Variants in PSD3 observed in about 807,000 individuals in gnomAD.
The protein encoded by PSD3 is PH and SEC7 domain-containing protein 3.
In PSD3, 49 loss-of-function variants were observed where a neutral mutation model predicts 105.5. The ratio of observed to expected loss-of-function variants is 0.46; its 90% CI spans 0.37 to 0.59. The LOEUF is 0.59. Among genes scored for constraint, PSD3 ranks in the 20% least tolerant of loss-of-function variants. The pLI, the probability that PSD3 is intolerant of heterozygous loss-of-function variation, is 0.00. For synonymous variants in PSD3, 557 were observed against 457.8 expected, an observed-to-expected ratio of 1.22 and a Z score of -2.77; for missense variants, 1,561 against 1,263.8, an observed-to-expected ratio of 1.24 and a Z score of -3.57.
intron 9 of PSD3, among the ~76,000 whole-genome samples, chr8:18,695,282 A>G (rs1801196202): frequency 3.5e-5 from 1 of 28,400 alleles, no homozygotes; most frequent in Non-Finnish European, 1.7e-4. Flanking sequence ...GAAACTGCAG[A>G]CACAACAGTC....
chr8:18,971,393 G>T (rs1824643638), intron 1 of PSD3, among the ~76,000 whole-genome samples: 1 of 152,168 alleles, frequency 6.6e-6, no homozygotes, highest in Admixed American at 6.5e-5. Context: ...CTGGGCTCTG[G>T]ACCCTGAATA....
chr8:18,685,415 AT>A (rs755644311), intron 9 of PSD3, among the ~76,000 whole-genome samples: 2,911 of 142,162 alleles, frequency 0.02, 64 homozygotes, highest in African/African-American at 0.048. Context: ...TATCCTTTAC[AT>A]TTTTTTTTTT....
chr8:18,978,690 G>A (rs1405085070), intron 1 of PSD3, among the ~76,000 whole-genome samples: 4 of 152,098 alleles, frequency 2.6e-5, no homozygotes, highest in African/African-American at 7.2e-5. Context: ...GCCAGGCTCC[G>A]CAGCTCACTG....
intron 4 of PSD3, among the ~76,000 whole-genome samples, chr8:18,818,946 TC>T (rs1812457533): frequency 6.6e-6 from 1 of 152,052 alleles, no homozygotes; most frequent in African/African-American, 2.4e-5. Flanking sequence ...CAAGCAGAAT[TC>T]AGGGCATGTC....
intron 2 of PSD3, among the ~76,000 whole-genome samples, chr8:18,931,359 G>A (rs1821738171): frequency 6.6e-6 from 1 of 151,780 alleles, no homozygotes; most frequent in Admixed American, 6.6e-5. Context: ...TTAAAAAACT[G>A]ACATGAGACA....
rs146989488 is a variant in PSD3, at chr8:18,855,156, T to A, written c.1634+12518A>T. Among the ~76,000 whole-genome samples the A allele has an allele frequency of 8.4e-3, 1,281 of 152,338 alleles. 9 individuals carry two copies. Among genetic ancestry groups the A allele is most frequent in the Non-Finnish European group, 0.013 (917 of 68,034 alleles). ...TATTTTTGTTGGGATACGGGGATTA[T>A]GAGGACCTGGAGATTTAAAAGACTA... On this transcript the variant is annotated intron_variant, in intron 4 of 15. Transcript: ENST00000327040.
intron 1 of PSD3, among the ~76,000 whole-genome samples, chr8:18,943,967 C>G (rs1057454150): frequency 6.6e-6 from 1 of 152,044 alleles, no homozygotes; most frequent in African/African-American, 2.4e-5. Flanking sequence ...AATTAAGTCA[C>G]GACTCTATTA....
intron 1 of PSD3, among the ~76,000 whole-genome samples, chr8:19,062,598 G>C (rs180718689): frequency 6.6e-6 from 1 of 152,032 alleles, no homozygotes; most frequent in Non-Finnish European, 1.5e-5. Flanking sequence ...AGAATCTTTA[G>C]ATTTATTATT....
chr8:19,083,238 C>T (rs76886708), intron 1 of PSD3, among the ~76,000 whole-genome samples: 2,297 of 152,334 alleles, frequency 0.015, 26 homozygotes, highest in Non-Finnish European at 0.025. Flanking sequence ...AAGATGCCCA[C>T]ACTGTGAGAA....
chr8:18,889,670 T>C (rs946797592), intron 2 of PSD3, among the ~76,000 whole-genome samples: 1 of 152,184 alleles, frequency 6.6e-6, no homozygotes, highest in Non-Finnish European at 1.5e-5. Flanking sequence ...GGTGTTTCCC[T>C]GTGATCCCGT....
chr8:19,013,968 C>G (rs1448055657), upstream of PSD3: 2 of 152,776 alleles, frequency 1.3e-5, no homozygotes, highest in Non-Finnish European at 2.9e-5. Flanking sequence ...TCCAGACCCT[C>G]GCAGTGCAGC....
intron 2 of PSD3, among the ~76,000 whole-genome samples, chr8:18,934,004 T>C (rs1456284354): frequency 6.6e-6 from 1 of 152,192 alleles, no homozygotes; most frequent in Non-Finnish European, 1.5e-5. Context: ...TTAAAAATAA[T>C]TTAGCTGTTT....
At chr8:18,692,325 C>T (rs927326211) in intron 9 of PSD3, among the ~76,000 whole-genome samples, 1 of 152,064 alleles carries the variant, frequency 6.6e-6, no homozygotes, top group Non-Finnish European at 1.5e-5. Context: ...AGTAACTGTG[C>T]CAATACAATG....
intron 1 of PSD3, among the ~76,000 whole-genome samples, chr8:19,057,937 A>G (rs373263950): frequency 6.6e-6 from 1 of 152,108 alleles, no homozygotes; most frequent in African/African-American, 2.4e-5. Flanking sequence ...TCCCACTCCT[A>G]TTTTCCCTAG....
At chr8:18,947,894 A>C (rs1563452301) in intron 1 of PSD3, among the ~76,000 whole-genome samples, 1 of 152,164 alleles carries the variant, frequency 6.6e-6, no homozygotes, top group Non-Finnish European at 1.5e-5. Flanking sequence ...CATTTGTAAT[A>C]AAGCCTCCCA....
At chr8:18,609,948 A>G (rs960256287) in intron 11 of PSD3, among the ~76,000 whole-genome samples, 2 of 152,246 alleles carry the variant, frequency 1.3e-5, no homozygotes, top group African/African-American at 4.8e-5. Context: ...TGAGTCACAC[A>G]GTATTCCAGT....
chr8:18,788,740 A>G (rs1315551996), intron 8 of PSD3, among the ~76,000 whole-genome samples: 1 of 152,176 alleles, frequency 6.6e-6, no homozygotes, highest in East Asian at 1.9e-4. Context: ...CCATATGACA[A>G]TTCCACCTCC....
At chr8:19,048,834 C>A (rs909521372) in intron 1 of PSD3, among the ~76,000 whole-genome samples, 1 of 152,214 alleles carries the variant, frequency 6.6e-6, no homozygotes, top group South Asian at 2.1e-4. Context: ...CAAAACACCA[C>A]AGACTGGGTG....
chr8:18,937,406 C>T (rs989092841), intron 1 of PSD3, among the ~76,000 whole-genome samples: 1 of 152,108 alleles, frequency 6.6e-6, no homozygotes, highest in Non-Finnish European at 1.5e-5. Context: ...TTAACAGCAA[C>T]GAAGTAACTA....
Sources: allele counts gnomAD v4.1 joint callset (sites outside exome capture counted in the v4.1 genomes callset), GRCh38; gene constraint gnomAD v4.1.1; transcripts MANE v1.5; gene names NCBI Gene and HGNC (gene_info 2026-07-23, HGNC 2026-07-21).